The following CEP85L variants were observed in gnomAD, a reference collection of about 807,000 sequenced individuals.
CEP85L encodes centrosomal protein of 85 kDa-like.
Under a neutral mutation model 100.3 loss-of-function variants are expected in CEP85L, and 60 were observed. The observed-to-expected ratio is 0.60, with a 90% CI of 0.49 to 0.74. The LOEUF (loss-of-function observed/expected upper bound fraction) is 0.74, where lower values mean the gene tolerates loss of function less well. Ranked by LOEUF, CEP85L falls within the 30% of genes least tolerant of loss-of-function variation. The pLI is 0.00. For missense variants in CEP85L, 973 were observed against 936.2 expected, an observed-to-expected ratio of 1.04 and a Z score of -0.51; for synonymous variants, 319 against 322.7, an observed-to-expected ratio of 0.99 and a Z score of 0.12.
chr6:118,588,076 C>G (rs1780971333), intron 2 of CEP85L, among the ~76,000 whole-genome samples: 1 of 152,212 alleles, frequency 6.6e-6, no homozygotes, highest in Non-Finnish European at 1.5e-5. Context: ...ACCAAGATGA[C>G]AGCATCATCT....
intron 2 of CEP85L, among the ~76,000 whole-genome samples, chr6:118,603,387 C>A (rs188552364): frequency 9.5e-4 from 144 of 152,280 alleles, no homozygotes; most frequent in Non-Finnish European, 1.7e-3. Context: ...CCATTCCAGT[C>A]AAAGCCTTGG....
At chr6:118,529,280 T>C (rs1359637013) in intron 3 of CEP85L, among the ~76,000 whole-genome samples, 2 of 152,186 alleles carry the variant, frequency 1.3e-5, no homozygotes, top group Admixed American at 6.5e-5. Context: ...TGAGTGTTTT[T>C]ATATGTATCA....
chr6:118,640,607 A>G (rs775398908), intron 1 of CEP85L, among the ~76,000 whole-genome samples: 7 of 152,124 alleles, frequency 4.6e-5, no homozygotes, highest in Non-Finnish European at 8.8e-5. Flanking sequence ...TCACTGCAAC[A>G]TTCATCCCCC....
intron 5 of CEP85L, among the ~76,000 whole-genome samples, chr6:118,496,355 T>TA (rs1774918745): frequency 1.5e-5 from 2 of 129,340 alleles, no homozygotes; most frequent in African/African-American, 3.0e-5. Context: ...TTATTTTATA[T>TA]TTTTTATTTT....
At chr6:118,524,916 G>A (rs76260283) in intron 3 of CEP85L, among the ~76,000 whole-genome samples, 68 of 152,334 alleles carry the variant, frequency 4.5e-4, no homozygotes, top group Admixed American at 8.5e-4. Flanking sequence ...TGCGGGGGAG[G>A]AGCCTGCTCT....
chr6:118,559,164 A>C, intron 3 of CEP85L: 1 of 974,426 alleles, frequency 1.0e-6, no homozygotes, highest in Non-Finnish European at 1.7e-6. Context: ...ACAATATTGT[A>C]TAACAGACCA....
intron 1 of CEP85L, among the ~76,000 whole-genome samples, chr6:118,648,705 ACACTC>A (rs1176321618): frequency 6.7e-6 from 1 of 149,798 alleles, no homozygotes; most frequent in African/African-American, 2.5e-5. Flanking sequence ...TCGCGCCACT[ACACTC>A]CAGCCTGGGC....
intron 5 of CEP85L, among the ~76,000 whole-genome samples, chr6:118,510,540 T>C (rs1479587375): frequency 2.6e-5 from 4 of 152,118 alleles, no homozygotes; most frequent in Admixed American, 6.6e-5. Context: ...CTTTCTTTTA[T>C]ATAGACCTAC....
intron 10 of CEP85L, among the ~76,000 whole-genome samples, chr6:118,471,208 T>G (rs1315235880): frequency 2.6e-5 from 4 of 152,024 alleles, no homozygotes; most frequent in Admixed American, 2.6e-4. Flanking sequence ...TTCTTACTCC[T>G]TATAAAATTG....
At chr6:118,618,946 C>G (rs1773254921) in intron 2 of CEP85L, among the ~76,000 whole-genome samples, 1 of 152,170 alleles carries the variant, frequency 6.6e-6, no homozygotes, top group Non-Finnish European at 1.5e-5. Context: ...ATCCAACAGT[C>G]CTCATGCCCC....
intron 11 of CEP85L, among the ~76,000 whole-genome samples, chr6:118,469,526 A>G (rs1772781987): frequency 1.3e-5 from 2 of 152,202 alleles, no homozygotes; most frequent in African/African-American, 4.8e-5. Flanking sequence ...CTGATGCTTT[A>G]GCGTATATCC....
chr6:118,627,401 G>A (rs1057018829), intron 2 of CEP85L, among the ~76,000 whole-genome samples: 1 of 152,104 alleles, frequency 6.6e-6, no homozygotes, highest in Admixed American at 6.5e-5. Context: ...GTAAAAAGCT[G>A]AACAAAGTGA....
At chr6:118,549,354 T>C (rs897580862) in intron 3 of CEP85L, among the ~76,000 whole-genome samples, 1 of 151,916 alleles carries the variant, frequency 6.6e-6, no homozygotes, top group East Asian at 1.9e-4. Flanking sequence ...CTGTTTGAAT[T>C]CTACCCTATT....
At chr6:118,651,005 T>A (rs775983507) in intron 1 of CEP85L, among the ~76,000 whole-genome samples, 192 bp downstream of exon 1, 8 of 152,060 alleles carry the variant, frequency 5.3e-5, no homozygotes, top group Non-Finnish European at 8.8e-5. Flanking sequence ...GCGGGGCTGA[T>A]GCGCCTGGGA....
At chr6:118,533,821 G>A (rs918552049) in intron 3 of CEP85L, among the ~76,000 whole-genome samples, 1 of 152,150 alleles carries the variant, frequency 6.6e-6, no homozygotes, top group Non-Finnish European at 1.5e-5. Flanking sequence ...CAAGCTGGGC[G>A]CAGTGGCTCA....
chr6:118,706,863 C>T (rs1777608456), intron 1 of CEP85L, among the ~76,000 whole-genome samples: 1 of 152,190 alleles, frequency 6.6e-6, no homozygotes, highest in Non-Finnish European at 1.5e-5. Flanking sequence ...AAAAGACTCT[C>T]GCTTTGTGAT....
chr6:118,482,155 T>C (rs1476582002), intron 7 of CEP85L, among the ~76,000 whole-genome samples: 2 of 152,118 alleles, frequency 1.3e-5, no homozygotes, highest in East Asian at 3.8e-4. Flanking sequence ...GGGTTAGAAA[T>C]TTGTAGAAGA....
At chr6:118,506,684 C>A (rs1279108862) in intron 5 of CEP85L, among the ~76,000 whole-genome samples, 1 of 152,064 alleles carries the variant, frequency 6.6e-6, no homozygotes, top group Non-Finnish European at 1.5e-5. Flanking sequence ...TGTGTATGAG[C>A]AAATTTGCAC....
intron 1 of CEP85L, among the ~76,000 whole-genome samples, chr6:118,638,421 T>A (rs1188483835): frequency 6.6e-6 from 1 of 151,936 alleles, no homozygotes; most frequent in Non-Finnish European, 1.5e-5. Flanking sequence ...AAGAATGACA[T>A]GACTTGTCTT....
Sources: allele counts gnomAD v4.1 joint callset (sites outside exome capture counted in the v4.1 genomes callset), GRCh38; gene constraint gnomAD v4.1.1; transcripts MANE v1.5; gene names NCBI Gene and HGNC (gene_info 2026-07-23, HGNC 2026-07-21).